Variants in TRDN observed in about 807,000 individuals in gnomAD.
The protein encoded by TRDN is triadin, also known as triadin in skeletal muscle.
TRDN carries 161 observed loss-of-function variants against 149.7 expected under a neutral mutation model. The ratio of observed to expected loss-of-function variants is 1.08; its 90% CI spans 0.95 to 1.23. The LOEUF (loss-of-function observed/expected upper bound fraction) is 1.23. Ranked by LOEUF, TRDN falls within the 50% of genes most tolerant of loss-of-function variation. TRDN has a pLI of 0.00. For synonymous variants in TRDN, 294 were observed against 250.5 expected, an observed-to-expected ratio of 1.17 and a Z score of -1.64; for missense variants, 896 against 823.5, an observed-to-expected ratio of 1.09 and a Z score of -1.08.
chr6:123,350,566 G>T, intron 21 of TRDN: 1 of 697,288 alleles, frequency 1.4e-6, no homozygotes, highest in Non-Finnish European at 1.8e-6. Flanking sequence ...ATAACTATTA[G>T]AATATGGGAC....
intron 14 of TRDN, among the ~76,000 whole-genome samples, chr6:123,382,929 T>G (rs1781774980): frequency 6.6e-6 from 1 of 152,082 alleles, no homozygotes; most frequent in African/African-American, 2.4e-5. Context: ...CTTAGAATAT[T>G]TTATTTTTTA....
intron 24 of TRDN, among the ~76,000 whole-genome samples, chr6:123,304,476 TCTCCTGAC>T (rs1313729607): frequency 2.0e-5 from 3 of 151,950 alleles, no homozygotes; most frequent in Non-Finnish European, 4.4e-5. Context: ...ATGGTCTGGA[TCTCCTGAC>T]CTCATGATCC....
At chr6:123,244,603 A>T (rs1405513397) in intron 38 of TRDN, among the ~76,000 whole-genome samples, 1 of 152,184 alleles carries the variant, frequency 6.6e-6, no homozygotes, top group Non-Finnish European at 1.5e-5. Flanking sequence ...ATGTGAAAAG[A>T]CCAAACCTAT....
intron 35 of TRDN, among the ~76,000 whole-genome samples, chr6:123,258,690 G>A (rs776796318): frequency 3.9e-5 from 6 of 152,096 alleles, no homozygotes; most frequent in Non-Finnish European, 7.4e-5. Flanking sequence ...TGTATTGTTT[G>A]GAGTCATTTT....
At position 123,497,259 on chromosome 6, in the gene TRDN, G is replaced by C; in HGVS notation, c.794-7C>G. The C allele has an allele frequency of 6.6e-7, 1 of 1,508,662 alleles. No homozygotes were observed. The highest frequency in any genetic ancestry group is 1.3e-5 in the South Asian group (1 of 76,878). The allele number at this position is 1,508,662 out of a possible 1,614,324, so 93.5% of individuals were successfully genotyped here. A position where few individuals can be genotyped will look rare whatever the true frequency, so the allele number is the denominator to read the frequency against. ...CGACAGAATGCATACTGATCTGACAGAGTAGAAAGAAAAAGAGCAATGAAA... is the reference window on the plus strand; with the variant it reads ...CGACAGAATGCATACTGATCTGACACAGTAGAAAGAAAAAGAGCAATGAAA... On this transcript the variant is annotated splice_polypyrimidine_tract_variant and splice_region_variant and intron_variant, in intron 8 of 40. Coordinates refer to ENST00000334268, the MANE Select transcript of TRDN (RefSeq NM_006073.4).
At chr6:123,581,525 A>AC (rs1783122647) in intron 1 of TRDN, among the ~76,000 whole-genome samples, 1 of 152,216 alleles carries the variant, frequency 6.6e-6, no homozygotes, top group African/African-American at 2.4e-5. Flanking sequence ...AGCTTTAAAA[A>AC]GTGTCATGTT....
intron 1 of TRDN, among the ~76,000 whole-genome samples, chr6:123,602,447 C>T (rs1053451443): frequency 1.3e-4 from 20 of 151,950 alleles, no homozygotes; most frequent in African/African-American, 3.6e-4. Context: ...TAGGGGGGAA[C>T]GAGGGATAAA....
In TRDN at chr6:123,381,312, A is replaced by T. The variant is rs1781711202; in HGVS notation, c.1186+58T>A. On this transcript the variant is annotated intron_variant, in intron 16 of 40. Transcript: ENST00000334268. ...AAATTGCAGGTCTAAATACAGCAGCAGGCAAATAATAGTAGTAAAAAAAAA... is the reference window on the plus strand; with the variant it reads ...AAATTGCAGGTCTAAATACAGCAGCTGGCAAATAATAGTAGTAAAAAAAAA... 2.7e-6 allele frequency: 4 copies of T among 1,472,714 alleles called. No homozygotes were observed. In the Admixed American group the frequency reaches 6.0e-5, roughly 22 times the overall value. The allele number at this position is 1,472,714 out of a possible 1,614,324, so 91.2% of individuals were successfully genotyped here.
chr6:123,471,278 A>G (rs1312529035), intron 9 of TRDN: 1 of 152,214 alleles, frequency 6.6e-6, no homozygotes, highest in East Asian at 1.9e-4. Flanking sequence ...CAGTGCCATA[A>G]TAAGGGCAGA....
chr6:123,619,279 C>T (rs1785257050), intron 1 of TRDN, among the ~76,000 whole-genome samples: 1 of 152,158 alleles, frequency 6.6e-6, no homozygotes, highest in South Asian at 2.1e-4. Flanking sequence ...TATGGCCTGC[C>T]TCTGCTCCAC....
At chr6:123,470,009 A>G (rs973284478) in intron 9 of TRDN, 1 of 152,194 alleles carries the variant, frequency 6.6e-6, no homozygotes, top group African/African-American at 2.4e-5. Context: ...CTTTAATATT[A>G]GAGAGGCACT....
At chr6:123,472,795 G>C (rs919912271) in intron 9 of TRDN, among the ~76,000 whole-genome samples, 1 of 152,032 alleles carries the variant, frequency 6.6e-6, no homozygotes, top group African/African-American at 2.4e-5. Flanking sequence ...CCTGACCCCC[G>C]AGCAGCCTAA....
At chr6:123,380,614 T>G (rs1781677671) in intron 16 of TRDN, among the ~76,000 whole-genome samples, 1 of 152,162 alleles carries the variant, frequency 6.6e-6, no homozygotes. Context: ...TATATTTTAA[T>G]TGGTATATAT....
intron 4 of TRDN, among the ~76,000 whole-genome samples, chr6:123,542,302 G>A (rs1485868157): frequency 6.6e-6 from 1 of 152,152 alleles, no homozygotes; most frequent in African/African-American, 2.4e-5. Context: ...TAAACATAAT[G>A]TAGATTGGCT....
At chr6:123,594,799 CTT>C (rs1783956419) in intron 1 of TRDN, among the ~76,000 whole-genome samples, 1 of 151,912 alleles carries the variant, frequency 6.6e-6, no homozygotes, top group Admixed American at 6.6e-5. Context: ...GGTAGCATGA[CTT>C]TAGTTTTAAA....
chr6:123,221,581 A>G, intron 39 of TRDN, 59 bp from the exon 40 acceptor site: 1 of 1,161,016 alleles, frequency 8.6e-7, no homozygotes, highest in South Asian at 1.4e-5. Flanking sequence ...TTATATAAAT[A>G]TATATGGGAC....
intron 13 of TRDN, among the ~76,000 whole-genome samples, chr6:123,388,947 C>T (rs1400152081): frequency 6.6e-6 from 1 of 152,166 alleles, no homozygotes; most frequent in Non-Finnish European, 1.5e-5. Context: ...ATTATCTATG[C>T]TTAGCTACTG....
Position 123,227,257 on chromosome 6 carries a change from G to A in TRDN, c.1976-3126C>T, listed in dbSNP as rs78254421. Among the ~76,000 whole-genome samples, 1,316 of 151,874 alleles carry A rather than the reference G, an allele frequency of 8.7e-3. 31 individuals are homozygous for A. The highest frequency in any genetic ancestry group is 0.077 in the South Asian group (371 of 4,808). On this transcript the variant is annotated intron_variant, in intron 38 of 40. Transcript: ENST00000334268. ...CATTCTCCAAGTAGGAGTCACTGAA[G>A]GAGTTAAATACAAAAAAAGGCTTTG... is the stretch of plus-strand genomic sequence containing the variant.
At chr6:123,604,745 G>A (rs982593568) in intron 1 of TRDN, among the ~76,000 whole-genome samples, 1 of 152,030 alleles carries the variant, frequency 6.6e-6, no homozygotes, top group African/African-American at 2.4e-5. Context: ...GTTTGTGTTG[G>A]GAGGGGTAAT....
Sources: gnomAD v4.1 joint callset for allele counts (sites outside exome capture counted in the v4.1 genomes callset) on GRCh38, gnomAD v4.1.1 for gene constraint, MANE v1.5 for transcripts, NCBI Gene and HGNC (gene_info 2026-07-23, HGNC 2026-07-21) for gene names.